Variants in GSG1L observed in about 807,000 individuals in gnomAD.
The protein encoded by GSG1L is GSG1 like, also known as germ cell-specific gene 1-like protein.
A neutral mutation model predicts 42.1 loss-of-function variants in GSG1L; 24 were observed. The ratio of observed to expected loss-of-function variants is 0.57; its 90% CI spans 0.41 to 0.80. The LOEUF (loss-of-function observed/expected upper bound fraction) is 0.80, where lower values mean the gene tolerates loss of function less well. GSG1L is among the 30% of genes least tolerant of loss of function. The probability of loss-of-function intolerance (pLI) is 0.00; values close to 1 mark genes in which losing one functional copy is unlikely to be tolerated. For synonymous variants in GSG1L, 215 were observed against 203.5 expected (o/e 1.06, Z -0.48); for missense variants, 445 against 472.2 (o/e 0.94, Z 0.53).
chr16:27,973,910 C>T (rs2141117984), intron 1 of GSG1L, among the ~76,000 whole-genome samples: 1 of 152,284 alleles, frequency 6.6e-6, no homozygotes, highest in South Asian at 2.1e-4. Flanking sequence ...TGGGCCCCAG[C>T]CTGGGTCCTG....
intron 5 of GSG1L, among the ~76,000 whole-genome samples, chr16:27,824,760 T>C (rs2083189884): frequency 6.6e-6 from 1 of 152,118 alleles, no homozygotes; most frequent in African/African-American, 2.4e-5. Flanking sequence ...AACAGCAGCT[T>C]CTTGTTGATG....
chr16:27,876,510 AG>A (rs1314580219), intron 3 of GSG1L, among the ~76,000 whole-genome samples: 1 of 152,166 alleles, frequency 6.6e-6, no homozygotes, highest in Non-Finnish European at 1.5e-5. Flanking sequence ...CACTCCTAAA[AG>A]GCAGCACAGA....
In GSG1L at chr16:27,796,791, G is replaced by T. The variant is rs539256587; in HGVS notation, c.899-5324C>A. Among the ~76,000 whole-genome samples, 265 of 152,286 alleles carry T rather than the reference G, an allele frequency of 1.7e-3. 2 individuals carry two copies. Among genetic ancestry groups the T allele is most frequent in the African/African-American group, 6.3e-3 (260 of 41,556 alleles). ...TGTCTCTTTCTTGCCCTTGGGATGAGACAAAGTCCACTGCACCTGCCACCT... is the reference window on the plus strand; with the variant it reads ...TGTCTCTTTCTTGCCCTTGGGATGATACAAAGTCCACTGCACCTGCCACCT... On this transcript the variant is annotated intron_variant, in intron 6 of 6. Transcript: ENST00000447459.
chr16:27,795,434 G>C (rs2082808031), intron 6 of GSG1L, among the ~76,000 whole-genome samples: 1 of 152,124 alleles, frequency 6.6e-6, no homozygotes, highest in African/African-American at 2.4e-5. Context: ...TTTAAGCCGT[G>C]TGGCTTCTGA....
intron 1 of GSG1L, among the ~76,000 whole-genome samples, chr16:28,029,699 G>A (rs536132256): frequency 6.6e-6 from 1 of 152,282 alleles, no homozygotes; most frequent in South Asian, 2.1e-4. Flanking sequence ...ACAGATGGAA[G>A]AATGATGGAT....
intron 3 of GSG1L, among the ~76,000 whole-genome samples, chr16:27,873,281 C>A (rs2083845735): frequency 6.6e-6 from 1 of 152,200 alleles, no homozygotes; most frequent in African/African-American, 2.4e-5. Context: ...GAACATAAGC[C>A]TGACCTGGAT....
intron 2 of GSG1L, among the ~76,000 whole-genome samples, chr16:27,889,388 AC>A (rs1457712539): frequency 6.6e-6 from 1 of 152,220 alleles, no homozygotes; most frequent in African/African-American, 2.4e-5. Flanking sequence ...GAAATTAATA[AC>A]AATAACGATT....
chr16:27,841,892 G>T (rs2083385228), intron 4 of GSG1L, among the ~76,000 whole-genome samples: 1 of 152,190 alleles, frequency 6.6e-6, no homozygotes, highest in African/African-American at 2.4e-5. Context: ...AGAGGAGAGA[G>T]CCAGGGCCTT....
At chr16:27,924,573 C>G (rs914930982) in intron 2 of GSG1L, among the ~76,000 whole-genome samples, 2 of 151,962 alleles carry the variant, frequency 1.3e-5, no homozygotes, top group African/African-American at 4.8e-5. Context: ...GTATAATATC[C>G]CAAAGAGCAT....
chr16:27,952,033 A>T (rs777508208), intron 2 of GSG1L, among the ~76,000 whole-genome samples: 2 of 152,208 alleles, frequency 1.3e-5, no homozygotes, highest in Non-Finnish European at 2.9e-5. Flanking sequence ...ATCCCAGGGC[A>T]CCAAGAAACA....
intron 3 of GSG1L, among the ~76,000 whole-genome samples, chr16:27,864,009 C>CTG (rs1209468830): frequency 1.3e-5 from 2 of 152,232 alleles, no homozygotes; most frequent in Non-Finnish European, 2.9e-5. Flanking sequence ...GGTCAGGAAT[C>CTG]TGTCTCTTCC....
intron 1 of GSG1L, among the ~76,000 whole-genome samples, chr16:27,999,733 C>A (rs997559861): frequency 6.6e-6 from 1 of 152,172 alleles, no homozygotes; most frequent in African/African-American, 2.4e-5. Context: ...ACCTCAAAAT[C>A]TTAAAGGTTC....
At chr16:28,031,866 G>C (rs1309263766) in intron 1 of GSG1L, among the ~76,000 whole-genome samples, 8 of 152,254 alleles carry the variant, frequency 5.3e-5, no homozygotes, top group Admixed American at 2.0e-4. Flanking sequence ...AGGGGCCTGA[G>C]AGCAGCCACT....
chr16:28,063,257 G>A lies in GSG1L; in HGVS notation c.168C>T (p.Gly56=), dbSNP rs1459429630. Residue 56 remains glycine, a synonymous_variant, in exon 1 of 7, where the codon GGC becomes GGT. Coordinates refer to ENST00000447459, the MANE Select transcript of GSG1L (RefSeq NM_001109763.2). This position sits in a 1 kb window ranked among gnomAD's most constrained non-coding sequence, Gnocchi z 5.8. ...CGGTGCCGTTGGCCGTGGCGTTGGC[G>A]CCCGAGTTGGGGCAGTTGGCGCGCC... is the stretch of plus-strand genomic sequence containing the variant. The part of the protein sequence containing the change: ...QGGRANCPNS[G]ANATANGTAA... The A allele has an allele frequency of 7.6e-7, 1 of 1,315,114 alleles. No homozygotes were observed. The highest frequency in any genetic ancestry group is 3.5e-5 in the East Asian group (1 of 28,920). 81.5% of individuals were successfully genotyped at this position (1,315,114 alleles called of 1,614,324 possible).
chr16:27,876,514 A>G (rs2083889025), intron 3 of GSG1L, among the ~76,000 whole-genome samples: 1 of 152,250 alleles, frequency 6.6e-6, no homozygotes, highest in Non-Finnish European at 1.5e-5. Flanking sequence ...CCTAAAAGGC[A>G]GCACAGATGA....
intron 1 of GSG1L, among the ~76,000 whole-genome samples, chr16:28,031,378 G>A (rs2085962324): frequency 6.7e-6 from 1 of 148,330 alleles, no homozygotes; most frequent in Admixed American, 6.7e-5. Flanking sequence ...GATGAGATGG[G>A]ATGGGATGGG....
chr16:28,040,774 C>A lies in GSG1L; in HGVS notation c.349+22302G>T, dbSNP rs978718818. On this transcript the variant is annotated intron_variant, in intron 1 of 6. Transcript: ENST00000447459. This position sits in a 1 kb window ranked among gnomAD's most constrained non-coding sequence, Gnocchi z 4.1. Reference sequence around the variant, plus strand: ...TGGAGCCCCACATGCCCGCCCCAGGCAGGGTAGTGCTGACTGGCCGCCAGG... The same window carrying A: ...TGGAGCCCCACATGCCCGCCCCAGGAAGGGTAGTGCTGACTGGCCGCCAGG... 6.6e-6 allele frequency among the ~76,000 whole-genome samples: 1 copy of A among 152,200 alleles called. No individual in the cohort carries two copies. The highest frequency in any genetic ancestry group is 1.5e-5 in the Non-Finnish European group (1 of 68,044).
intron 1 of GSG1L, among the ~76,000 whole-genome samples, chr16:28,049,117 A>G (rs2086195389): frequency 6.6e-6 from 1 of 152,162 alleles, no homozygotes; most frequent in African/African-American, 2.4e-5. Flanking sequence ...CCATATCACC[A>G]CTGGTAGACT....
At chr16:27,841,307 A>G (rs1317403104) in intron 4 of GSG1L, among the ~76,000 whole-genome samples, 1 of 152,190 alleles carries the variant, frequency 6.6e-6, no homozygotes, top group East Asian at 1.9e-4. Context: ...ACAGTGGCCC[A>G]GCAGTGTATG....
Sources: allele counts gnomAD v4.1 joint callset (sites outside exome capture counted in the v4.1 genomes callset), GRCh38; gene constraint gnomAD v4.1.1; non-coding constraint Gnocchi (gnomAD v3.1); transcripts MANE v1.5; gene names NCBI Gene and HGNC (gene_info 2026-07-23, HGNC 2026-07-21).